The following CCDC9 variants were observed in gnomAD, a reference collection of about 807,000 sequenced individuals.
CCDC9 encodes coiled-coil domain-containing protein 9.
A neutral mutation model predicts 65.6 loss-of-function variants in CCDC9; 52 were observed. The observed-to-expected ratio is 0.79, with a 90% CI of 0.63 to 1.00. The LOEUF is 1.00. CCDC9 is among the 50% of genes least tolerant of loss of function. CCDC9 has a pLI of 0.00. For synonymous variants in CCDC9, 332 were observed against 280.3 expected, an observed-to-expected ratio of 1.18 and a Z score of -1.84; for missense variants, 834 against 757.2, an observed-to-expected ratio of 1.10 and a Z score of -1.19.
At chr19:47,261,216 A>G (rs2059043739) in intron 5 of CCDC9, among the ~76,000 whole-genome samples, 2 of 149,482 alleles carry the variant, frequency 1.3e-5, no homozygotes, top group Non-Finnish European at 3.0e-5. Context: ...ATGCTTGCCC[A>G]CTCATCCTCC....
intron 5 of CCDC9, among the ~76,000 whole-genome samples, chr19:47,263,606 C>T (rs1186058746): frequency 6.6e-6 from 1 of 152,164 alleles, no homozygotes; most frequent in Non-Finnish European, 1.5e-5. Context: ...ACTCTTGTTG[C>T]CCAGGCTGGA....
chr19:47,261,768 C>G (rs1469098656), intron 5 of CCDC9, among the ~76,000 whole-genome samples: 1 of 148,630 alleles, frequency 6.7e-6, no homozygotes, highest in Non-Finnish European at 1.5e-5. Flanking sequence ...GGCCTGTAAT[C>G]CCAGCACTTT....
intron 7 of CCDC9, 122 bp from the exon 8 acceptor site, chr19:47,266,485 GTTGA>G (rs1476267795): frequency 2.1e-6 from 3 of 1,406,548 alleles, no homozygotes; most frequent in Non-Finnish European, 2.8e-6. Flanking sequence ...CCTGAGCCTA[GTTGA>G]TTGTGATCTC....
At chr19:47,274,934 C>G (rs775587119), downstream of CCDC9, 1 of 1,337,020 alleles carries the variant, frequency 7.5e-7, no homozygotes. Flanking sequence ...GGGGGACCAG[C>G]TGCGTGGGCG....
intron 8 of CCDC9, among the ~76,000 whole-genome samples, chr19:47,267,500 G>T (rs1286151347): frequency 6.6e-6 from 1 of 152,188 alleles, no homozygotes; most frequent in East Asian, 1.9e-4. Context: ...GCTGGGCTTG[G>T]CTTCTTGCAG....
downstream of CCDC9, chr19:47,275,063 C>A (rs2059148847): frequency 3.3e-6 from 5 of 1,494,886 alleles, no homozygotes; most frequent in African/African-American, 5.8e-5. Context: ...TGCTGCTCGC[C>A]GTGTACTACG....
At chr19:47,266,548 C>T (rs1046203687) in intron 7 of CCDC9, 63 bp from the exon 8 acceptor site, 144 of 1,447,434 alleles carry the variant, frequency 9.9e-5, no homozygotes, top group Non-Finnish European at 1.1e-4. Context: ...GGATGTGCCT[C>T]GGGGCTTAGG....
Position 47,258,344 on chromosome 19 carries a change from G to A in CCDC9, c.-57G>A. ...TCTGTCCCCAGGAACCCTCAGTGCT[G>A]CGTCTAGATTCTGCAGGGGAGGTTT... is the stretch of plus-strand genomic sequence containing the variant. On this transcript the variant is annotated 5_prime_UTR_variant, in exon 2 of 12. Coordinates refer to ENST00000221922, the MANE Select transcript of CCDC9 (RefSeq NM_015603.3). 1 of 1,602,746 alleles carries A rather than the reference G, an allele frequency of 6.2e-7. No homozygotes were observed. The highest frequency in any genetic ancestry group is 1.1e-5 in the South Asian group (1 of 90,848).
In CCDC9 at chr19:47,270,643, G is replaced by C; in HGVS notation, c.1040G>C (p.Arg347Thr). 1 of 1,612,746 alleles carries C rather than the reference G, an allele frequency of 6.2e-7. No homozygotes were observed. The highest frequency in any genetic ancestry group is 8.5e-7 in the Non-Finnish European group (1 of 1,180,024). ...HKAEASSRRR[R>T]KSSRPQAKAA... ...GCTGAGGCCAGCAGCCGCAGAAGGA[G>C]AAAGAGCAGTCGGCCCCAGGCCAAG... Residue 347 changes from arginine to threonine, a missense_variant, in exon 10 of 12, where the codon AGA becomes ACA. By Grantham distance (71) the Arg-to-Thr change is moderately conservative. Coordinates refer to ENST00000221922, the MANE Select transcript of CCDC9 (RefSeq NM_015603.3).
At chr19:47,258,168 G>A in intron 1 of CCDC9, 162 bp from the exon 2 acceptor site, 1 of 592,494 alleles carries the variant, frequency 1.7e-6, no homozygotes, top group South Asian at 2.0e-5. Flanking sequence ...AATTTCTATG[G>A]AGAAGATGGA....
chr19:47,273,899 C>T (rs2059140006), downstream of CCDC9: 6 of 879,666 alleles, frequency 6.8e-6, no homozygotes, highest in African/African-American at 1.8e-5. Context: ...TTTTCTGTGG[C>T]GGAAGAGGCG....
rs1179498417 is a variant in CCDC9, at chr19:47,271,730, TGTGCGCGCGC to T, written c.*54_*63del. 3.2e-3 allele frequency: 2,151 copies of T among 671,816 alleles called. 4 individuals carry two copies. The African/African-American group carries it at 0.053, about 17-fold the overall frequency. 41.6% of individuals were successfully genotyped at this position (671,816 alleles called of 1,614,324 possible). A position where few individuals can be genotyped will look rare whatever the true frequency, so the allele number is the denominator to read the frequency against. On this transcript the variant is annotated 3_prime_UTR_variant, in exon 12 of 12. Coordinates refer to ENST00000221922, the MANE Select transcript of CCDC9 (RefSeq NM_015603.3). ...GTGTGTGTGTGTGTGTGTGTGTGTG[TGTGCGCGCGC>T]GCGCGCGCGCGCGCGCGCGCTAGAG...
At chr19:47,259,118 G>A (rs2059029386) in intron 3 of CCDC9, among the ~76,000 whole-genome samples, 1 of 152,198 alleles carries the variant, frequency 6.6e-6, no homozygotes, top group African/African-American at 2.4e-5. Context: ...GTAGACAATA[G>A]CCAGTTGAAA....
In CCDC9 at chr19:47,271,148, TACTTCCCCCGAG is replaced by T. The variant is rs771468927; in HGVS notation, c.1162_1173del (p.Glu388_Pro391del). On this transcript the variant is annotated inframe_deletion, in exon 11 of 12. Transcript: ENST00000221922. ...CCCCAGCCCCTGAGACTCCACAGCC[TACTTCCCCCGAG>T]ACTTCCCCCAAGGAGACACCCATGC... The T allele has an allele frequency of 2.5e-6, 4 of 1,589,188 alleles. No homozygotes were observed. The South Asian group carries it at 3.4e-5, about 14-fold the overall frequency.
At chr19:47,275,166 C>G (rs562916215), downstream of CCDC9, 313 of 1,466,838 alleles carry the variant, frequency 2.1e-4, no homozygotes, top group African/African-American at 4.3e-3. Context: ...CCCGGGCGTG[C>G]CGCCTGTCCC....
At chr19:47,275,296 G>T (rs2059152188), downstream of CCDC9, 7 of 1,545,692 alleles carry the variant, frequency 4.5e-6, no homozygotes, top group Admixed American at 2.0e-5. Flanking sequence ...CGTCCGAGCC[G>T]CCAGACACCC....
chr19:47,261,741 G>A (rs1324857131), intron 5 of CCDC9, among the ~76,000 whole-genome samples: 1 of 148,448 alleles, frequency 6.7e-6, no homozygotes, highest in Non-Finnish European at 1.5e-5. Context: ...AAAAATGCTG[G>A]GCGTGGTGGC....
intron 7 of CCDC9, 48 bp downstream of exon 7, chr19:47,264,994 G>A: frequency 7.1e-7 from 1 of 1,405,868 alleles, no homozygotes; most frequent in Non-Finnish European, 9.3e-7. Context: ...GGCTTTGATG[G>A]GGACTGCATA....
Position 47,264,699 on chromosome 19 carries a change from G to C in CCDC9, c.546+13G>C. The C allele has an allele frequency of 6.2e-7, 1 of 1,603,130 alleles. No individual in the cohort carries two copies. The highest frequency in any genetic ancestry group is 8.5e-7 in the Non-Finnish European group (1 of 1,175,158). ...GCGCAACCAGCGGGTCAGTGGTGCG[G>C]GTGTCCCCGAGGCAGGGCCGAGCTG... On this transcript the variant is annotated intron_variant, in intron 6 of 11. Coordinates refer to ENST00000221922, the MANE Select transcript of CCDC9 (RefSeq NM_015603.3).
Sources: allele counts gnomAD v4.1 joint callset (sites outside exome capture counted in the v4.1 genomes callset), GRCh38; gene constraint gnomAD v4.1.1; transcripts MANE v1.5; gene names NCBI Gene and HGNC (gene_info 2026-07-23, HGNC 2026-07-21).